Variants in TASP1 observed in about 807,000 individuals in gnomAD.
TASP1 encodes threonine aspartase 1.
A neutral mutation model predicts 56.6 loss-of-function variants in TASP1; 16 were observed. That is an observed-to-expected ratio of 0.28 (90% CI 0.19 to 0.43). The LOEUF is 0.43. TASP1 is among the 20% of genes least tolerant of loss of function. The pLI is 1.00. For missense variants in TASP1, 393 were observed against 511.6 expected (o/e 0.77, Z 2.24); for synonymous variants, 179 against 184.2 (o/e 0.97, Z 0.23).
intron 10 of TASP1, among the ~76,000 whole-genome samples, chr20:13,527,243 G>A (rs572391434): frequency 6.6e-6 from 1 of 152,250 alleles, no homozygotes; most frequent in East Asian, 1.9e-4. Context: ...ACTTGCATCA[G>A]AGATCGCAGA....
At chr20:13,187,276 G>A in the TASP1 span, among the ~76,000 whole-genome samples, 1 of 152,110 alleles carries the variant, frequency 6.6e-6, no homozygotes, top group South Asian at 2.1e-4. Flanking sequence ...TGGAATACCA[G>A]AAGGAAAAGA....
At chr20:13,513,543 G>C (rs2146737621) in intron 10 of TASP1, among the ~76,000 whole-genome samples, 1 of 152,178 alleles carries the variant, frequency 6.6e-6, no homozygotes, top group African/African-American at 2.4e-5. Context: ...TTCTAAACAA[G>C]AGCAAAAAGA....
the TASP1 span, among the ~76,000 whole-genome samples, chr20:13,289,689 G>C: frequency 0.15 from 23,445 of 151,968 alleles, 2,177 homozygotes; most frequent in South Asian, 0.27. Flanking sequence ...GGAGGAGGAA[G>C]AGGAGGAGGA....
chr20:13,525,770 T>A (rs1016081184), intron 10 of TASP1, among the ~76,000 whole-genome samples: 3 of 152,020 alleles, frequency 2.0e-5, no homozygotes, highest in Non-Finnish European at 4.4e-5. Context: ...AACAGCCCCA[T>A]GAGAAACAAG....
At chr20:13,626,907 C>CG (rs1263895166) in intron 2 of TASP1, among the ~76,000 whole-genome samples, 2 of 117,922 alleles carry the variant, frequency 1.7e-5, no homozygotes, top group Non-Finnish European at 3.4e-5. Context: ...AGAGCCCCCC[C>CG]CCCACCCCGT....
chr20:13,449,556 A>T (rs775923854), intron 11 of TASP1, among the ~76,000 whole-genome samples: 6 of 152,238 alleles, frequency 3.9e-5, no homozygotes, highest in Non-Finnish European at 5.9e-5. Context: ...TAAATAAATA[A>T]ATCTATTTTA....
chr20:13,591,071 A>C (rs945469705), intron 4 of TASP1, among the ~76,000 whole-genome samples: 31 of 152,068 alleles, frequency 2.0e-4, no homozygotes, highest in Middle Eastern at 6.8e-3. Flanking sequence ...GAAAAAGAAA[A>C]GGAGGAGGAA....
At chr20:13,293,945 G>A in the TASP1 span, among the ~76,000 whole-genome samples, 1 of 151,738 alleles carries the variant, frequency 6.6e-6, no homozygotes. Flanking sequence ...TTGCACTCCA[G>A]CTTGGGCAAC....
Position 13,450,138 on chromosome 20 carries a change from C to T in TASP1, c.986-14984G>A, listed in dbSNP as rs139955000. Among the ~76,000 whole-genome samples, 1,264 of 152,128 alleles carry T rather than the reference C, an allele frequency of 8.3e-3. 10 individuals are homozygous for T. Among genetic ancestry groups the T allele is most frequent in the Non-Finnish European group, 0.014 (926 of 67,954 alleles). On this transcript the variant is annotated intron_variant, in intron 11 of 13. Coordinates refer to ENST00000337743, the MANE Select transcript of TASP1 (RefSeq NM_017714.3). ...ATAATTTACTAACTGTATAGCAGTG[C>T]TATGTCTAAAAAATGTAAATAACTT...
At chr20:13,286,125 CT>C in the TASP1 span, among the ~76,000 whole-genome samples, 1 of 152,010 alleles carries the variant, frequency 6.6e-6, no homozygotes, top group Non-Finnish European at 1.5e-5. Context: ...TACTTTTGAC[CT>C]TTTTTTAGCT....
rs1454657305 is a variant in TASP1, at chr20:13,417,491, C to T, written c.1127G>A (p.Ser376Asn). The T allele has an allele frequency of 1.2e-6, 2 of 1,614,032 alleles. No homozygotes were observed. Among genetic ancestry groups the T allele is most frequent in the African/African-American group, 2.7e-5 (2 of 74,926 alleles). Residue 376 changes from serine to asparagine, a missense_variant, in exon 13 of 14, where the codon AGC (serine) becomes AAC (asparagine). By Grantham distance (46) the Ser-to-Asn change is conservative (BLOSUM62 1). Around this residue, in one of 3 missense-constraint regions of TASP1, gnomAD observed 293 missense variants for 354.2 expected, o/e 0.83. Coordinates refer to ENST00000337743, the MANE Select transcript of TASP1 (RefSeq NM_017714.3). ...VEFLWSHTTE[S>N]MCVGYMSAQD... Reference sequence around the variant, plus strand: ...GGCTGACATATATCCGACACACATGCTCTCCGTCGTGTGGCTCCACAGAAA... The same window carrying T: ...GGCTGACATATATCCGACACACATGTTCTCCGTCGTGTGGCTCCACAGAAA...
chr20:13,592,984 T>C (rs977062646), intron 4 of TASP1, among the ~76,000 whole-genome samples: 1 of 152,186 alleles, frequency 6.6e-6, no homozygotes, highest in South Asian at 2.1e-4. Flanking sequence ...ATCCCAGTAA[T>C]ACAAGACTAG....
chr20:13,229,006 C>G, the TASP1 span, among the ~76,000 whole-genome samples: 1 of 152,130 alleles, frequency 6.6e-6, no homozygotes, highest in African/African-American at 2.4e-5. Context: ...AATAGCTCTA[C>G]CACTTCCTGC....
the TASP1 span, among the ~76,000 whole-genome samples, chr20:13,357,829 A>G: frequency 6.6e-6 from 1 of 152,198 alleles, no homozygotes; most frequent in Non-Finnish European, 1.5e-5. Flanking sequence ...TACATGCAAC[A>G]ACATGGATGC....
chr20:13,420,435 A>T (rs1405889833), intron 12 of TASP1, among the ~76,000 whole-genome samples: 1 of 152,258 alleles, frequency 6.6e-6, no homozygotes, highest in African/African-American at 2.4e-5. Context: ...CTGTTTTCAC[A>T]AACATTTATC....
chr20:13,126,757 T>C, the TASP1 span: 1 of 1,609,854 alleles, frequency 6.2e-7, no homozygotes, highest in Non-Finnish European at 8.5e-7. Context: ...TGGACCTCTC[T>C]GTCTCCCTTC....
chr20:13,570,962 C>A lies in TASP1; in HGVS notation c.489-1376G>T, dbSNP rs552650807. Reference sequence around the variant, plus strand: ...AAGTTGAAGTAGTAAACTACATGATCAAGACAAAAGTTTGGAGTTAATCTA... The same window carrying A: ...AAGTTGAAGTAGTAAACTACATGATAAAGACAAAAGTTTGGAGTTAATCTA... On this transcript the variant is annotated intron_variant, in intron 6 of 13. Coordinates refer to ENST00000337743, the MANE Select transcript of TASP1 (RefSeq NM_017714.3). Among the ~76,000 whole-genome samples the A allele has an allele frequency of 5.3e-5, 8 of 152,210 alleles. No individual in the cohort carries two copies. The South Asian group carries it at 1.7e-3, about 32-fold the overall frequency.
chr20:13,346,882 C>T, the TASP1 span, among the ~76,000 whole-genome samples: 1 of 152,200 alleles, frequency 6.6e-6, no homozygotes, highest in Non-Finnish European at 1.5e-5. Context: ...TATTAATTTG[C>T]CTTTAGGCAA....
the TASP1 span, among the ~76,000 whole-genome samples, chr20:13,337,622 G>A: frequency 1.5e-4 from 23 of 152,284 alleles, no homozygotes; most frequent in East Asian, 1.7e-3. Flanking sequence ...CAGGCTTGGC[G>A]GTTCATCAGA....
Sources: gnomAD v4.1 joint callset for allele counts (sites outside exome capture counted in the v4.1 genomes callset) on GRCh38, gnomAD v4.1.1 for gene constraint, gnomAD v4.1.1 regional missense constraint, MANE v1.5 for transcripts, NCBI Gene and HGNC (gene_info 2026-07-23, HGNC 2026-07-21) for gene names.